The following IARS2 variants were observed in gnomAD, a reference collection of about 807,000 sequenced individuals.
IARS2 encodes isoleucine--tRNA ligase, mitochondrial.
A neutral mutation model predicts 126.3 loss-of-function variants in IARS2; 56 were observed. That is an observed-to-expected ratio of 0.44 (90% CI 0.36 to 0.55). IARS2 has a LOEUF of 0.55. IARS2 is among the 20% of genes least tolerant of loss of function. The probability of loss-of-function intolerance (pLI) is 0.00; values close to 1 mark genes in which losing one functional copy is unlikely to be tolerated. For missense variants in IARS2, 1,127 were observed against 1,245.9 expected, an observed-to-expected ratio of 0.90 and a Z score of 1.44; for synonymous variants, 407 against 441.1, an observed-to-expected ratio of 0.92 and a Z score of 0.97.
At chr1:220,129,043 C>T (rs891984376) in intron 14 of IARS2, among the ~76,000 whole-genome samples, 2 of 151,918 alleles carry the variant, frequency 1.3e-5, no homozygotes, top group Non-Finnish European at 2.9e-5. Context: ...CCACCATGCC[C>T]AGCTAATTTT....
intron 13 of IARS2, among the ~76,000 whole-genome samples, chr1:220,125,936 C>T (rs1657145146): frequency 6.6e-6 from 1 of 151,214 alleles, no homozygotes; most frequent in Non-Finnish European, 1.5e-5. Context: ...GAAACCCTGC[C>T]TCTACTAAAA....
chr1:220,094,489 G>C lies in IARS2; in HGVS notation c.267+6G>C, dbSNP rs1436904310. ...CGGAGCTGGAGATCCAGCAGGTACGGGCCCCGCCTCGGCGCGGGGCCTCCA... is the reference window on the plus strand; with the variant it reads ...CGGAGCTGGAGATCCAGCAGGTACGCGCCCCGCCTCGGCGCGGGGCCTCCA... On this transcript the variant is annotated splice_donor_region_variant and intron_variant, in intron 1 of 22. Transcript: ENST00000366922. 6.3e-7 allele frequency: 1 copy of C among 1,588,396 alleles called. No individual in the cohort carries two copies. Among genetic ancestry groups the C allele is most frequent in the Non-Finnish European group, 8.6e-7 (1 of 1,169,264 alleles).
chr1:220,107,661 ACTG>A (rs565093508), intron 10 of IARS2, among the ~76,000 whole-genome samples: 174 of 152,354 alleles, frequency 1.1e-3, no homozygotes, highest in Non-Finnish European at 2.1e-3. Flanking sequence ...TTCTAGGGCT[ACTG>A]TAAAAAATCA....
At chr1:220,125,198 A>G in intron 12 of IARS2, 39 bp from the exon 13 acceptor site, 6 of 1,153,230 alleles carry the variant, frequency 5.2e-6, no homozygotes, top group Non-Finnish European at 7.7e-6. Context: ...TCATCACAAT[A>G]GTTAATTGAA....
chr1:220,139,228 T>G, intron 18 of IARS2, 89 bp downstream of exon 18: 1 of 962,816 alleles, frequency 1.0e-6, no homozygotes, highest in Non-Finnish European at 1.5e-6. Context: ...GGAACAGACC[T>G]TGCTGGAAAT....
At chr1:220,111,634 CT>C (rs1190577589) in intron 11 of IARS2, among the ~76,000 whole-genome samples, 2 of 147,650 alleles carry the variant, frequency 1.4e-5, no homozygotes, top group African/African-American at 5.0e-5. Flanking sequence ...GTAAACATCT[CT>C]CACAACTTGA....
chr1:220,100,575 C>T lies in IARS2; in HGVS notation c.476C>T (p.Pro159Leu). ...CCCGGCTGGGATTGTCATGGGTTGC[C>T]CATTGAAATAAAAGTATTATCAGAA... ...FVPGWDCHGL[P>L]IEIKVLSELG... is the part of the protein sequence containing the mutation. The change falls in exon 3 of 23, where the codon CCC becomes CTC. Residue 159 changes from proline (P) to leucine (L), a missense_variant. Transcript: ENST00000366922. 1.2e-6 allele frequency: 2 copies of T among 1,612,628 alleles called. No homozygotes were observed.
In IARS2 at chr1:220,140,258, TCTAA is replaced by T. The variant is rs1158741261; in HGVS notation, c.2386_2389del (p.Asn796PhefsTer5). On this transcript the variant is annotated frameshift_variant, in exon 19 of 23. Coordinates refer to ENST00000366922, the MANE Select transcript of IARS2 (RefSeq NM_018060.4). LOFTEE classifies it high-confidence loss of function. ...ACGGACGTTTTATACCAGAGAGCTC[TCTAA>T]CTTTTATTTCAGTATAATCAAAGAT... 1.9e-6 allele frequency: 3 copies of T among 1,608,278 alleles called. No homozygotes were observed. Among genetic ancestry groups the T allele is most frequent in the South Asian group, 1.1e-5 (1 of 90,992 alleles).
In IARS2 at chr1:220,096,150, T is replaced by A. The variant is rs1225146700; in HGVS notation, c.314T>A (p.Val105Glu). ...ELYSWQRERK[V>E]KTEFCLHDGP... ...TATTCATGGCAAAGAGAAAGAAAAG[T>A]AAAGACAGAATTTTGCCTTCATGAT... The change falls in exon 2 of 23, where the codon GTA becomes GAA. Residue 105 changes from valine (V) to glutamate (E), a missense_variant. Transcript: ENST00000366922. 1.9e-6 allele frequency: 3 copies of A among 1,551,020 alleles called. No homozygotes were observed. The South Asian group carries it at 3.4e-5, about 18-fold the overall frequency.
intron 21 of IARS2, chr1:220,143,383 T>TTTCC (rs1363607732): frequency 3.6e-6 from 1 of 279,542 alleles, no homozygotes; most frequent in Admixed American, 4.7e-5. Flanking sequence ...GAAATTAGGG[T>TTTCC]TTCCGTCTTC....
At chr1:220,129,678 A>T (rs75782373) in intron 14 of IARS2, among the ~76,000 whole-genome samples, 4,080 of 152,290 alleles carry the variant, frequency 0.027, 83 homozygotes, top group Middle Eastern at 0.068. Flanking sequence ...GCTGCTGATG[A>T]CAGAATTTCA....
chr1:220,111,645 A>G (rs527543228), intron 11 of IARS2, among the ~76,000 whole-genome samples: 8 of 143,652 alleles, frequency 5.6e-5, no homozygotes, highest in Middle Eastern at 7.4e-3. Context: ...TCACAACTTG[A>G]TTCTATTTAA....
Position 220,147,787 on chromosome 1 carries a change from G to GAAGT in IARS2, c.*154_*157dup, listed in dbSNP as rs1197865609. 3.9e-5 allele frequency: 26 copies of GAAGT among 672,626 alleles called. No homozygotes were observed. The highest frequency in any genetic ancestry group is 2.7e-4 in the Middle Eastern group (1 of 3,662). The allele number at this position is 672,626 out of a possible 1,614,324, so 41.7% of individuals were successfully genotyped here. A position where few individuals can be genotyped will look rare whatever the true frequency, so the allele number is the denominator to read the frequency against. On this transcript the variant is annotated 3_prime_UTR_variant, in exon 23 of 23. Transcript: ENST00000366922. ...GGGAGTCAAAATCAGAATTATAGAA[G>GAAGT]AAGTATTTCCTGTAACTATAGAAAG...
chr1:220,143,834 T>C (rs968141820), intron 21 of IARS2: 4 of 519,526 alleles, frequency 7.7e-6, no homozygotes, highest in South Asian at 3.1e-5. Flanking sequence ...ATTGGCCAGA[T>C]TGGCTTATAG....
In IARS2 at chr1:220,134,447, T is replaced by G; in HGVS notation, c.1883T>G (p.Leu628Arg). The G allele has an allele frequency of 6.2e-7, 1 of 1,613,604 alleles. No individual in the cohort carries two copies. Among genetic ancestry groups the G allele is most frequent in the South Asian group, 1.1e-5 (1 of 90,992 alleles). ...TTGTACTTGGAAGGAAAAGACCAGC[T>G]CGGGGGTTGGTTTCAGTCATCCTTA... ...ADLYLEGKDQLGGWFQSSLLT... is the reference protein window; with the variant it reads ...ADLYLEGKDQRGGWFQSSLLT... Residue 628 changes from leucine (L) to arginine (R), a missense_variant, in exon 15 of 23, where the codon CTC (leucine) becomes CGC (arginine). By Grantham distance (102) the Leu-to-Arg change is moderately radical. Transcript: ENST00000366922.
intron 10 of IARS2, among the ~76,000 whole-genome samples, chr1:220,108,430 A>G (rs1300222197): frequency 6.6e-6 from 1 of 151,184 alleles, no homozygotes; most frequent in Non-Finnish European, 1.5e-5. Context: ...TCTGTTGCCC[A>G]GGCTGGAGTA....
intron 18 of IARS2, among the ~76,000 whole-genome samples, chr1:220,139,510 G>T (rs1372712374): frequency 2.0e-5 from 3 of 152,120 alleles, no homozygotes; most frequent in Non-Finnish European, 4.4e-5. Flanking sequence ...TACTACTTTG[G>T]GAGGCCGAGG....
chr1:220,118,352 G>T, intron 12 of IARS2: 1 of 234,126 alleles, frequency 4.3e-6, no homozygotes. Context: ...AATAAGTTTA[G>T]GGACTGGTAG....
At position 220,105,955 on chromosome 1, in the gene IARS2, A is replaced by T; in HGVS notation, c.1131A>T (p.Leu377Phe). ...PLIPDKASPL[L>F]PANHVTMAKG... ...TTCCTGATAAAGCCTCTCCTCTTTTACCTGCAAATCATGTGACCATGGCAA... is the reference window on the plus strand; with the variant it reads ...TTCCTGATAAAGCCTCTCCTCTTTTTCCTGCAAATCATGTGACCATGGCAA... The change falls in exon 9 of 23, where the codon TTA (leucine) becomes TTT (phenylalanine). Residue 377 changes from leucine to phenylalanine, a missense_variant. By Grantham distance (22) the Leu-to-Phe change is conservative. Coordinates refer to ENST00000366922, the MANE Select transcript of IARS2 (RefSeq NM_018060.4). The T allele has an allele frequency of 6.2e-7, 1 of 1,614,030 alleles. No individual in the cohort carries two copies. Among genetic ancestry groups the T allele is most frequent in the African/African-American group, 1.3e-5 (1 of 75,050 alleles).
Sources: allele counts gnomAD v4.1 joint callset (sites outside exome capture counted in the v4.1 genomes callset), GRCh38; gene constraint gnomAD v4.1.1; transcripts MANE v1.5; gene names NCBI Gene and HGNC (gene_info 2026-07-23, HGNC 2026-07-21).